The following UBE2G1 variants were observed in gnomAD, a reference collection of about 807,000 sequenced individuals.
UBE2G1 encodes the protein ubiquitin-conjugating enzyme E2 G1.
A neutral mutation model predicts 22.7 loss-of-function variants in UBE2G1; 5 were observed. The observed-to-expected ratio is 0.22, with a 90% CI of 0.12 to 0.46. The LOEUF (loss-of-function observed/expected upper bound fraction) is 0.46, where lower values mean the gene tolerates loss of function less well. Ranked by LOEUF, UBE2G1 falls within the 20% of genes least tolerant of loss-of-function variation. UBE2G1 has a pLI of 0.99. For synonymous variants in UBE2G1, 74 were observed against 67.5 expected (o/e 1.10, Z -0.47); for missense variants, 88 against 203.9 (o/e 0.43, Z 3.46).
At chr17:4,354,768 CA>C (rs967250264) in intron 1 of UBE2G1, among the ~76,000 whole-genome samples, 28 of 151,546 alleles carry the variant, frequency 1.8e-4, no homozygotes, top group African/African-American at 4.6e-4. Flanking sequence ...CTGTCTCTAC[CA>C]AAAAAAAATT....
intron 3 of UBE2G1, among the ~76,000 whole-genome samples, chr17:4,292,370 T>C (rs1283795049): frequency 1.3e-4 from 20 of 150,498 alleles, no homozygotes; most frequent in Admixed American, 1.3e-3. Flanking sequence ...CTAAGCTGCC[T>C]AAACAATGCA....
At chr17:4,295,818 A>AG (rs936624175) in intron 3 of UBE2G1, among the ~76,000 whole-genome samples, 9 of 150,428 alleles carry the variant, frequency 6.0e-5, no homozygotes, top group Non-Finnish European at 1.2e-4. Flanking sequence ...GCTTATATAC[A>AG]GGGGAGAGAG....
intron 4 of UBE2G1, among the ~76,000 whole-genome samples, chr17:4,287,886 A>AT (rs1243948596): frequency 1.3e-5 from 2 of 152,112 alleles, no homozygotes; most frequent in Non-Finnish European, 2.9e-5. Context: ...GAAAAAAAAA[A>AT]CTGCAGGATA....
At chr17:4,326,518 G>A (rs1417849833) in intron 1 of UBE2G1, among the ~76,000 whole-genome samples, 4 of 152,094 alleles carry the variant, frequency 2.6e-5, no homozygotes, top group Non-Finnish European at 4.4e-5. Context: ...TGTGAAAGGC[G>A]GCATGGCATG....
rs2143661146 is a variant in UBE2G1, at chr17:4,271,964, A to T, written c.*590T>A. On this transcript the variant is annotated 3_prime_UTR_variant, in exon 6 of 6. Transcript: ENST00000396981. ...CAGTATTTGAACTAAATCATTTGAG[A>T]ACATTCTGGCAGGTAAGAGATAAAA... 6.5e-6 allele frequency: 1 copy of T among 152,804 alleles called. No homozygotes were observed. The highest frequency in any genetic ancestry group is 1.9e-4 in the East Asian group (1 of 5,190). The allele number at this position is 152,804 out of a possible 1,614,324, so 9.5% of individuals were successfully genotyped here.
chr17:4,295,758 T>C (rs192608284), intron 3 of UBE2G1, among the ~76,000 whole-genome samples: 343 of 151,894 alleles, frequency 2.3e-3, no homozygotes, highest in African/African-American at 7.9e-3. Context: ...TTTATTTTAC[T>C]TTATAGAGAA....
chr17:4,363,280 A>C (rs1019435612), intron 1 of UBE2G1, among the ~76,000 whole-genome samples: 1 of 152,228 alleles, frequency 6.6e-6, no homozygotes, highest in Admixed American at 6.5e-5. Context: ...TTTTAAAAAA[A>C]AATTAAAAAC....
At chr17:4,363,752 A>C (rs1969995426) in intron 1 of UBE2G1, among the ~76,000 whole-genome samples, 1 of 151,786 alleles carries the variant, frequency 6.6e-6, no homozygotes, top group Non-Finnish European at 1.5e-5. Flanking sequence ...GGAGATCAAG[A>C]CCATCCTGGC....
chr17:4,343,543 A>G (rs1025030607), intron 1 of UBE2G1, among the ~76,000 whole-genome samples: 1 of 152,120 alleles, frequency 6.6e-6, no homozygotes, highest in Admixed American at 6.5e-5. Flanking sequence ...TTTCATATAT[A>G]TGAAGGTTGG....
intron 1 of UBE2G1, among the ~76,000 whole-genome samples, chr17:4,328,888 C>CATCCTGG (rs1050192930): frequency 3.9e-5 from 6 of 152,106 alleles, no homozygotes; most frequent in Non-Finnish European, 7.3e-5. Flanking sequence ...AGATCAAGAC[C>CATCCTGG]ATCCTGGCTA....
intron 5 of UBE2G1, among the ~76,000 whole-genome samples, chr17:4,276,001 T>TG (rs1968817344): frequency 6.6e-6 from 1 of 152,186 alleles, no homozygotes; most frequent in Admixed American, 6.5e-5. Flanking sequence ...AGCCAGTCTC[T>TG]GTCTCTTCCT....
intron 3 of UBE2G1, 29 bp from the exon 4 acceptor site, chr17:4,289,437 A>G (rs752182039): frequency 2.7e-6 from 4 of 1,476,122 alleles, no homozygotes; most frequent in Non-Finnish European, 3.6e-6. Flanking sequence ...GGCTTGTTTC[A>G]TATATTACTA....
At chr17:4,330,315 C>T (rs369471078) in intron 1 of UBE2G1, among the ~76,000 whole-genome samples, 3 of 152,118 alleles carry the variant, frequency 2.0e-5, no homozygotes, top group Admixed American at 1.3e-4. Context: ...CTTTTCCATA[C>T]GCCACTCCAA....
At chr17:4,315,203 TG>T (rs1393748491) in intron 1 of UBE2G1, among the ~76,000 whole-genome samples, 1 of 152,136 alleles carries the variant, frequency 6.6e-6, no homozygotes, top group Non-Finnish European at 1.5e-5. Flanking sequence ...CTTCAGGGGC[TG>T]GGGGAGTACA....
intron 1 of UBE2G1, among the ~76,000 whole-genome samples, chr17:4,344,150 A>G (rs1294705815): frequency 6.6e-6 from 1 of 152,208 alleles, no homozygotes. Flanking sequence ...GGAGGAATAA[A>G]TTGCATACCA....
chr17:4,319,003 A>C (rs777422201), intron 1 of UBE2G1, among the ~76,000 whole-genome samples: 20 of 152,252 alleles, frequency 1.3e-4, no homozygotes, highest in Non-Finnish European at 2.6e-4. Context: ...GAAAGTGAAA[A>C]ACAGACTAAA....
In UBE2G1 at chr17:4,366,327, G is replaced by T. The variant is rs1176908962; in HGVS notation, c.-11C>A. ...CTGCAGCTCCGTCATCCTCCCTGCC[G>T]AGGGCCCGGGCTGGCGCCGGGGCTT... On this transcript the variant is annotated 5_prime_UTR_variant, in exon 1 of 6. Transcript: ENST00000396981. The T allele has an allele frequency of 6.5e-7, 1 of 1,540,976 alleles. No homozygotes were observed. The highest frequency in any genetic ancestry group is 8.7e-7 in the Non-Finnish European group (1 of 1,152,958).
intron 3 of UBE2G1, among the ~76,000 whole-genome samples, chr17:4,292,374 C>T (rs1332350362): frequency 6.6e-6 from 1 of 150,440 alleles, no homozygotes; most frequent in African/African-American, 2.4e-5. Context: ...GCTGCCTAAA[C>T]AATGCATATA....
At chr17:4,322,671 G>C (rs1440418026) in intron 1 of UBE2G1, among the ~76,000 whole-genome samples, 1 of 152,056 alleles carries the variant, frequency 6.6e-6, no homozygotes, top group East Asian at 1.9e-4. Context: ...TACAAACACT[G>C]AAAGAAAAAA....
Sources: gnomAD v4.1 joint callset for allele counts (sites outside exome capture counted in the v4.1 genomes callset) on GRCh38, gnomAD v4.1.1 for gene constraint, MANE v1.5 for transcripts, NCBI Gene and HGNC (gene_info 2026-07-23, HGNC 2026-07-21) for gene names.